The following C2CD3 variants were observed in gnomAD, a reference collection of about 807,000 sequenced individuals.
C2CD3 encodes C2 domain-containing protein 3.
Under a neutral mutation model 234.0 loss-of-function variants are expected in C2CD3, and 148 were observed. That is an observed-to-expected ratio of 0.63 (90% CI 0.55 to 0.72). The LOEUF (loss-of-function observed/expected upper bound fraction) is 0.72, where lower values mean the gene tolerates loss of function less well. C2CD3 is among the 30% of genes least tolerant of loss of function. The probability of loss-of-function intolerance (pLI) is 0.00; values close to 1 mark genes in which losing one functional copy is unlikely to be tolerated. For missense variants in C2CD3, 2,577 were observed against 2,811.5 expected (o/e 0.92, Z 1.89); for synonymous variants, 1,000 against 1,035.4 (o/e 0.97, Z 0.66).
At position 74,074,365 on chromosome 11, in the gene C2CD3, G is replaced by C; in HGVS notation, c.4839C>G (p.Pro1613=). The C allele has an allele frequency of 6.2e-7, 1 of 1,614,252 alleles. No individual in the cohort carries two copies. Among genetic ancestry groups the C allele is most frequent in the Non-Finnish European group, 8.5e-7 (1 of 1,180,046 alleles). The change falls in exon 24 of 33, where the codon CCC becomes CCG. Residue 1613 remains proline, a synonymous_variant. Transcript: ENST00000334126. ...GGACTTCAGCTGTGGTGCTGCTGCA[G>C]GGGACCTGGGTGGAGGCAGGAGACT... ...HQKSPASTQV[P]CSSTTAEVRL... is the part of the protein sequence containing the mutation.
rs115188259 is a variant in C2CD3 at position 74,139,628 on chromosome 11, G to A, written c.684C>T (p.Asn228=). 3,644 of 1,613,574 alleles carry A rather than the reference G, an allele frequency of 2.3e-3. 78 individuals carry two copies. The African/African-American group carries it at 0.044, about 19-fold the overall frequency. The change falls in exon 4 of 33, where the codon AAC becomes AAT. Residue 228 remains asparagine (N), a synonymous_variant. Transcript: ENST00000334126. ...IKIDGKELAA[N]SSRSTTPRGK... is the part of the protein sequence containing the mutation. ...ACCTCGGAGTGGTTGATCTACTGCT[G>A]TTGGCTGCTAACTCTTTTCCATCAA... is the stretch of plus-strand genomic sequence containing the variant.
chr11:74,041,748 A>G (rs1175411277), intron 29 of C2CD3, among the ~76,000 whole-genome samples: 2 of 152,206 alleles, frequency 1.3e-5, no homozygotes, highest in Non-Finnish European at 1.5e-5. Context: ...GACGAAGTAA[A>G]TGGTTGTGAG....
At chr11:74,156,557 C>T (rs1200338434) in intron 3 of C2CD3, among the ~76,000 whole-genome samples, 3 of 151,972 alleles carry the variant, frequency 2.0e-5, no homozygotes, top group African/African-American at 7.3e-5. Flanking sequence ...CACCTGCAGT[C>T]CCAGCTACTC....
chr11:74,062,946 A>C (rs1008238420), intron 24 of C2CD3, among the ~76,000 whole-genome samples: 8 of 152,228 alleles, frequency 5.3e-5, no homozygotes, highest in Non-Finnish European at 8.8e-5. Flanking sequence ...GATAAAGGGG[A>C]TATCACTACT....
Position 74,074,613 on chromosome 11 carries a change from G to A in C2CD3, c.4604-13C>T, listed in dbSNP as rs767155579. Reference sequence around the variant, plus strand: ...AGAGGATACACACCTAAAAGAAGATGGAGAAGAATAAGGCTAGTCAAGCAG... The same window carrying A: ...AGAGGATACACACCTAAAAGAAGATAGAGAAGAATAAGGCTAGTCAAGCAG... On this transcript the variant is annotated splice_polypyrimidine_tract_variant and intron_variant, in intron 23 of 32. Coordinates refer to ENST00000334126, the MANE Select transcript of C2CD3 (RefSeq NM_001286577.2). 4 of 1,595,216 alleles carry A rather than the reference G, an allele frequency of 2.5e-6. No homozygotes were observed. The African/African-American group carries it at 5.4e-5, about 21-fold the overall frequency.
chr11:74,087,819 C>T (rs1955708988), intron 20 of C2CD3, among the ~76,000 whole-genome samples: 1 of 152,140 alleles, frequency 6.6e-6, no homozygotes, highest in Non-Finnish European at 1.5e-5. Context: ...GAAGTAGCCT[C>T]AATTCCTTAG....
intron 11 of C2CD3, 88 bp downstream of exon 11, chr11:74,113,692 A>T: frequency 1.2e-6 from 1 of 843,852 alleles, no homozygotes; most frequent in Non-Finnish European, 2.0e-6. Context: ...AAAAAAAAAA[A>T]AAAAAAAAGT....
chr11:74,123,214 T>C, intron 7 of C2CD3, 79 bp from the exon 8 acceptor site: 1 of 1,040,210 alleles, frequency 9.6e-7, no homozygotes, highest in Non-Finnish European at 1.4e-6. Flanking sequence ...TGAAACTTTC[T>C]GAGGTTCTAA....
At chr11:74,015,079 C>T (rs78849201) in intron 32 of C2CD3, among the ~76,000 whole-genome samples, 7,851 of 152,330 alleles carry the variant, frequency 0.052, 597 homozygotes, top group African/African-American at 0.17. Context: ...GAAGCACCTG[C>T]ACTGCATGAT....
At chr11:74,166,914 T>C (rs1856849923) in intron 2 of C2CD3, among the ~76,000 whole-genome samples, 1 of 152,202 alleles carries the variant, frequency 6.6e-6, no homozygotes, top group Admixed American at 6.5e-5. Context: ...AATAGGAAAC[T>C]GGGGCCCTGA....
At chr11:74,149,264 C>A (rs1475101979) in intron 3 of C2CD3, among the ~76,000 whole-genome samples, 1 of 152,150 alleles carries the variant, frequency 6.6e-6, no homozygotes, top group Non-Finnish European at 1.5e-5. Flanking sequence ...AACATGTATT[C>A]CATTTATAGC....
intron 31 of C2CD3, among the ~76,000 whole-genome samples, chr11:74,028,815 G>A (rs1952409930): frequency 6.6e-6 from 1 of 152,230 alleles, no homozygotes; most frequent in South Asian, 2.1e-4. Flanking sequence ...AGGCTGGCAG[G>A]TAGCAGGCGT....
chr11:74,039,187 C>T (rs79329741), intron 29 of C2CD3, among the ~76,000 whole-genome samples: 15,538 of 152,166 alleles, frequency 0.1, 2,043 homozygotes, highest in African/African-American at 0.31. Flanking sequence ...AGCAAATCTA[C>T]TGGTCTTGTT....
intron 3 of C2CD3, among the ~76,000 whole-genome samples, chr11:74,149,145 T>C (rs1235524960): frequency 6.6e-6 from 1 of 152,188 alleles, no homozygotes; most frequent in African/African-American, 2.4e-5. Flanking sequence ...GACTTCCTAA[T>C]ACAGGAGATA....
At chr11:74,096,336 T>C (rs769268186) in intron 16 of C2CD3, among the ~76,000 whole-genome samples, 9 of 152,208 alleles carry the variant, frequency 5.9e-5, no homozygotes, top group Non-Finnish European at 7.3e-5. Flanking sequence ...GTGTTTAACA[T>C]TTTAACTACT....
intron 22 of C2CD3, among the ~76,000 whole-genome samples, chr11:74,082,428 T>A (rs191434238): frequency 6.6e-6 from 1 of 152,322 alleles, no homozygotes. Flanking sequence ...TGTGGGTTTA[T>A]CATAAATAGC....
rs746984093 is a variant in C2CD3 at position 74,161,481 on chromosome 11, A to G, written c.401T>C (p.Leu134Pro). The change falls in exon 3 of 33, where the codon CTA (leucine) becomes CCA (proline). Residue 134 changes from leucine (L) to proline (P), a missense_variant. Physicochemically the swap from Leu to Pro is moderately conservative, Grantham distance 98. Transcript: ENST00000334126. ...TTGATGGGTTGGAGAAAGTTGAGCT[A>G]GTCCATTGATCTGAACTCTACCAAT... ...LPIGRVQING[L>P]AQLSPTHQIN... is the part of the protein sequence containing the mutation. The G allele has an allele frequency of 6.2e-7, 1 of 1,600,710 alleles. No homozygotes were observed. Among genetic ancestry groups the G allele is most frequent in the Non-Finnish European group, 8.5e-7 (1 of 1,171,324 alleles).
chr11:74,036,883 T>G (rs1267991110), intron 30 of C2CD3, among the ~76,000 whole-genome samples: 1 of 152,192 alleles, frequency 6.6e-6, no homozygotes, highest in Non-Finnish European at 1.5e-5. Flanking sequence ...ACCTCAGAGA[T>G]TCTGTTGACC....
chr11:74,072,703 A>G, intron 24 of C2CD3, among the ~76,000 whole-genome samples: 1 of 129,740 alleles, frequency 7.7e-6, no homozygotes, highest in East Asian at 2.1e-4. Flanking sequence ...ACAGGGCACA[A>G]TTTTTGTCTG....
Sources: gnomAD v4.1 joint callset for allele counts (sites outside exome capture counted in the v4.1 genomes callset) on GRCh38, gnomAD v4.1.1 for gene constraint, MANE v1.5 for transcripts, NCBI Gene and HGNC (gene_info 2026-07-23, HGNC 2026-07-21) for gene names.